Variants in SWAP70 observed in about 807,000 individuals in gnomAD.
SWAP70 encodes switching B cell complex subunit SWAP70.
SWAP70 carries 34 observed loss-of-function variants against 80.2 expected under a neutral mutation model. That is an observed-to-expected ratio of 0.42 (90% CI 0.32 to 0.56). The LOEUF (loss-of-function observed/expected upper bound fraction) is 0.56, where lower values mean the gene tolerates loss of function less well. Ranked by LOEUF, SWAP70 falls within the 20% of genes least tolerant of loss-of-function variation. The pLI, the probability that SWAP70 is intolerant of heterozygous loss-of-function variation, is 0.09. For synonymous variants in SWAP70, 239 were observed against 238.5 expected, an observed-to-expected ratio of 1.00 and a Z score of -0.02; for missense variants, 578 against 690.7, an observed-to-expected ratio of 0.84 and a Z score of 1.83.
chr11:9,693,544 T>C (rs360050), intron 1 of SWAP70, among the ~76,000 whole-genome samples: 17,578 of 152,204 alleles, frequency 0.12, 2,016 homozygotes, highest in African/African-American at 0.29. Flanking sequence ...TATTCTTTTA[T>C]ACTCATGCTG....
chr11:9,707,435 A>G (rs1850929426), intron 2 of SWAP70, among the ~76,000 whole-genome samples: 1 of 151,366 alleles, frequency 6.6e-6, no homozygotes, highest in East Asian at 1.9e-4. Context: ...TGATTAGCTT[A>G]TTTCACTTAA....
intron 3 of SWAP70, among the ~76,000 whole-genome samples, chr11:9,721,551 A>G (rs1240950989): frequency 6.6e-6 from 1 of 150,980 alleles, no homozygotes; most frequent in Non-Finnish European, 1.5e-5. Context: ...AGCTCACTGT[A>G]ACCTCAAACT....
rs141744792 is a variant in SWAP70, at chr11:9,667,496, G to A, written c.99+3218G>A. 4.6e-3 allele frequency among the ~76,000 whole-genome samples: 705 copies of A among 152,126 alleles called. 5 individuals are homozygous for A. The highest frequency in any genetic ancestry group is 7.0e-3 in the Non-Finnish European group (479 of 68,002). Reference sequence around the variant, plus strand: ...TGAACTCCTGAGCTCAAAGACATCCGCCCGCCTTGGCCTTCTAAAGTGCTG... The same window carrying A: ...TGAACTCCTGAGCTCAAAGACATCCACCCGCCTTGGCCTTCTAAAGTGCTG... On this transcript the variant is annotated intron_variant, in intron 1 of 11. Transcript: ENST00000318950.
intron 2 of SWAP70, among the ~76,000 whole-genome samples, chr11:9,706,821 CT>C (rs890919201): frequency 1.1e-4 from 16 of 151,180 alleles, no homozygotes; most frequent in East Asian, 9.7e-4. Flanking sequence ...ATAAAGAACT[CT>C]TTTTTTTTCT....
rs58068637 is a variant in SWAP70 at position 9,730,327 on chromosome 11, T to TA, written c.898+895dup. ...AACACGGTGAAACCCCGTCTCTACT[T>TA]AAAAAAAAAAAAAAAAAAAGAACAT... On this transcript the variant is annotated intron_variant, in intron 6 of 11. Transcript: ENST00000318950. 4.3e-3 allele frequency among the ~76,000 whole-genome samples: 590 copies of TA among 136,928 alleles called. 9 individuals carry two copies. Among genetic ancestry groups the TA allele is most frequent in the East Asian group, 0.036 (166 of 4,638 alleles). 89.8% of individuals were successfully genotyped at this position (136,928 alleles called of 152,430 possible). A position where few individuals can be genotyped will look rare whatever the true frequency, so the allele number is the denominator to read the frequency against.
chr11:9,666,286 A>T (rs1300588987), intron 1 of SWAP70, among the ~76,000 whole-genome samples: 1 of 151,990 alleles, frequency 6.6e-6, no homozygotes, highest in Non-Finnish European at 1.5e-5. Context: ...GGGTTTCACC[A>T]TGTTGGCCAG....
chr11:9,684,977 TAAAG>T (rs929839179), intron 1 of SWAP70, among the ~76,000 whole-genome samples: 21 of 152,322 alleles, frequency 1.4e-4, no homozygotes, highest in African/African-American at 4.8e-4. Context: ...GTGAGAAAGA[TAAAG>T]AAGCTTGCTG....
chr11:9,704,677 A>ACCACTGTGCCCTGCTAGAGTTCC (rs1181727108), intron 2 of SWAP70, among the ~76,000 whole-genome samples: 1 of 152,086 alleles, frequency 6.6e-6, no homozygotes, highest in Non-Finnish European at 1.5e-5. Flanking sequence ...GCAGGCATGA[A>ACCACTGTGCCCTGCTAGAGTTCC]CCACTGTGCC....
intron 7 of SWAP70, among the ~76,000 whole-genome samples, chr11:9,737,325 T>G (rs1027697625): frequency 2.0e-5 from 3 of 151,940 alleles, no homozygotes; most frequent in African/African-American, 7.3e-5. Context: ...GGGGAGGGAG[T>G]GCATCATATG....
chr11:9,695,484 G>A (rs1476337250), intron 2 of SWAP70, among the ~76,000 whole-genome samples: 1 of 152,038 alleles, frequency 6.6e-6, no homozygotes, highest in Non-Finnish European at 1.5e-5. Flanking sequence ...CATGGATGAA[G>A]CTGGAAGCCA....
intron 1 of SWAP70, among the ~76,000 whole-genome samples, chr11:9,674,286 A>C (rs776541338): frequency 6.6e-6 from 1 of 152,186 alleles, no homozygotes; most frequent in African/African-American, 2.4e-5. Context: ...GCCAGGGACC[A>C]TGGATGAAAA....
intron 8 of SWAP70, among the ~76,000 whole-genome samples, chr11:9,739,604 ACT>A (rs1422246959): frequency 6.6e-6 from 1 of 152,200 alleles, no homozygotes; most frequent in African/African-American, 2.4e-5. Context: ...GGGATTCAAA[ACT>A]CTGTAATCCA....
At chr11:9,720,317 A>T (rs1564827515) in intron 3 of SWAP70, 1 of 985,418 alleles carries the variant, frequency 1.0e-6, no homozygotes, top group Non-Finnish European at 1.2e-6. Context: ...TGACAACTTC[A>T]TAAGGCTTGG....
At chr11:9,670,437 GT>G (rs1031383541) in intron 1 of SWAP70, among the ~76,000 whole-genome samples, 15 of 151,764 alleles carry the variant, frequency 9.9e-5, no homozygotes, top group African/African-American at 1.2e-4. Context: ...AACACGAAAA[GT>G]TTTTTTTTGT....
rs772396990 is a variant in SWAP70, at chr11:9,728,109, A to G, written c.699A>G (p.Val233=). The change falls in exon 5 of 12, where the codon GTA becomes GTG. Residue 233 remains valine (V), a synonymous_variant. Coordinates refer to ENST00000318950, the MANE Select transcript of SWAP70 (RefSeq NM_015055.4). ...AAAACTGGACTGAAAGATGGTTTGT[A>G]CTAAAACCCAACATAATTTCTTACT... ...RRKNWTERWF[V]LKPNIISYYV... 1.2e-6 allele frequency: 2 copies of G among 1,613,338 alleles called. No individual in the cohort carries two copies. The highest frequency in any genetic ancestry group is 2.2e-5 in the East Asian group (1 of 44,804).
intron 1 of SWAP70, among the ~76,000 whole-genome samples, chr11:9,665,079 C>T (rs1448579174): frequency 1.3e-5 from 2 of 152,084 alleles, no homozygotes; most frequent in African/African-American, 2.4e-5. Flanking sequence ...TGGCATTAAG[C>T]CAGCAGAAAT....
At chr11:9,690,466 A>G (rs1850684359) in intron 1 of SWAP70, among the ~76,000 whole-genome samples, 1 of 152,110 alleles carries the variant, frequency 6.6e-6, no homozygotes, top group Admixed American at 6.6e-5. Context: ...TAATTCCGCT[A>G]CTTGGGAGGC....
At chr11:9,671,500 A>AT (rs1565109372) in intron 1 of SWAP70, among the ~76,000 whole-genome samples, 1 of 90,392 alleles carries the variant, frequency 1.1e-5, no homozygotes, top group Non-Finnish European at 1.9e-5. Context: ...ATATATATAT[A>AT]AATATATATA....
chr11:9,699,341 G>T (rs1472862193), intron 2 of SWAP70, among the ~76,000 whole-genome samples: 3 of 151,810 alleles, frequency 2.0e-5, no homozygotes, highest in East Asian at 3.9e-4. Flanking sequence ...TAATTAAATT[G>T]TACCAAAATT....
Sources: allele counts gnomAD v4.1 joint callset (sites outside exome capture counted in the v4.1 genomes callset), GRCh38; gene constraint gnomAD v4.1.1; transcripts MANE v1.5; gene names NCBI Gene and HGNC (gene_info 2026-07-23, HGNC 2026-07-21).